XPR1: variants seen among roughly 807,000 people sequenced by gnomAD.
XPR1 encodes solute carrier family 53 member 1.
Under a neutral mutation model 87.5 loss-of-function variants are expected in XPR1, and 28 were observed. The ratio of observed to expected loss-of-function variants is 0.32; its 90% CI spans 0.24 to 0.44. The LOEUF (loss-of-function observed/expected upper bound fraction) is 0.44. Ranked by LOEUF, XPR1 falls within the 20% of genes least tolerant of loss-of-function variation. The pLI, the probability that XPR1 is intolerant of heterozygous loss-of-function variation, is 1.00. For synonymous variants in XPR1, 300 were observed against 306.1 expected (o/e 0.98, Z 0.21); for missense variants, 559 against 862.3 (o/e 0.65, Z 4.41).
intron 1 of XPR1, among the ~76,000 whole-genome samples, chr1:180,632,531 G>A (rs557959960): frequency 6.6e-6 from 1 of 152,160 alleles, no homozygotes; most frequent in African/African-American, 2.4e-5. Context: ...TGCCCGGGCC[G>A]GGGCCGGGGC....
At chr1:180,811,020 A>G (rs138077462) in intron 6 of XPR1, among the ~76,000 whole-genome samples, 2 of 152,250 alleles carry the variant, frequency 1.3e-5, no homozygotes, top group Middle Eastern at 3.4e-3. Context: ...TAAATGCTGT[A>G]TAAATAGTTG....
intron 2 of XPR1, among the ~76,000 whole-genome samples, chr1:180,685,304 G>A (rs1286550274): frequency 3.9e-5 from 6 of 152,296 alleles, no homozygotes; most frequent in South Asian, 4.1e-4. Context: ...ATTTGCGTAT[G>A]TTGAACCAGC....
chr1:180,835,084 G>A, intron 10 of XPR1, 39 bp downstream of exon 10: 2 of 1,592,058 alleles, frequency 1.3e-6, no homozygotes, highest in Non-Finnish European at 1.7e-6. Flanking sequence ...TAAATCGCTG[G>A]TGTAAACCAA....
At chr1:180,824,685 A>G in intron 7 of XPR1, 68 bp from the exon 8 acceptor site, 3 of 1,367,488 alleles carry the variant, frequency 2.2e-6, no homozygotes, top group East Asian at 2.3e-5. Context: ...GAGAATGAAG[A>G]CAAAAGATTA....
intron 1 of XPR1, among the ~76,000 whole-genome samples, chr1:180,678,165 C>T (rs1051763180): frequency 7.9e-5 from 12 of 152,184 alleles, no homozygotes; most frequent in Admixed American, 4.6e-4. Flanking sequence ...ATGTGTTCAC[C>T]AACTTGGAAG....
intron 2 of XPR1, among the ~76,000 whole-genome samples, chr1:180,770,053 T>C (rs964097380): frequency 7.2e-5 from 11 of 152,236 alleles, no homozygotes; most frequent in African/African-American, 2.7e-4. Flanking sequence ...TAAATACTGG[T>C]TAATTTTGAT....
chr1:180,885,895 A>G lies in XPR1; in HGVS notation c.*1829A>G, dbSNP rs921283655. 4 of 152,208 alleles carry G rather than the reference A, an allele frequency of 2.6e-5. No homozygotes were observed. The highest frequency in any genetic ancestry group is 2.1e-4 in the South Asian group (1 of 4,828). The allele number at this position is 152,208 out of a possible 1,614,324, so 9.4% of individuals were successfully genotyped here. A position where few individuals can be genotyped will look rare whatever the true frequency, so the allele number is the denominator to read the frequency against. On this transcript the variant is annotated 3_prime_UTR_variant, in exon 15 of 15. Transcript: ENST00000367590. ...GAAAATTTTTATCAATTAACTGACA[A>G]ATAGTTTCTTTTTAAAGTAGTTTCT...
intron 1 of XPR1, among the ~76,000 whole-genome samples, chr1:180,646,225 C>T (rs564750283): frequency 2.6e-5 from 4 of 152,284 alleles, no homozygotes; most frequent in South Asian, 2.1e-4. Context: ...GCAGCCTCTC[C>T]GTAAAGGTCA....
intron 2 of XPR1, among the ~76,000 whole-genome samples, chr1:180,684,306 G>A (rs1189787957): frequency 1.3e-5 from 2 of 152,156 alleles, no homozygotes; most frequent in South Asian, 2.1e-4. Context: ...TGAGGGCTCT[G>A]TGCTGTTCCA....
At chr1:180,635,541 A>AT (rs1654732952) in intron 1 of XPR1, among the ~76,000 whole-genome samples, 2 of 152,040 alleles carry the variant, frequency 1.3e-5, no homozygotes, top group African/African-American at 2.4e-5. Context: ...CCCAGGAATG[A>AT]TTTTTTTCAG....
intron 1 of XPR1, among the ~76,000 whole-genome samples, chr1:180,663,955 A>G (rs533740450): frequency 3.3e-5 from 5 of 152,120 alleles, no homozygotes; most frequent in Non-Finnish European, 7.4e-5. Context: ...GGTACCACCA[A>G]TGTGCACTTA....
rs1335637201 is a variant in XPR1, at chr1:180,803,506, C to G, written c.342C>G (p.Val114=). ...VTTLRQRRKP[V]FHLSHEERVQ... ...CGCTGCGACAACGCAGAAAGCCAGT[C>G]TTCCACTTGTCCCATGAGGAACGTG... The change falls in exon 4 of 15, where the codon GTC becomes GTG. Residue 114 remains valine, a synonymous_variant. Transcript: ENST00000367590. The G allele has an allele frequency of 2.5e-6, 4 of 1,613,924 alleles. No individual in the cohort carries two copies. Among genetic ancestry groups the G allele is most frequent in the African/African-American group, 1.3e-5 (1 of 75,036 alleles).
At chr1:180,834,733 C>G (rs911551167) in intron 9 of XPR1, 141 bp from the exon 10 acceptor site, 19 of 899,960 alleles carry the variant, frequency 2.1e-5, no homozygotes, top group Non-Finnish European at 2.9e-5. Context: ...GCCACTGTTG[C>G]CAGGTCTCTG....
At chr1:180,813,997 A>G (rs560805171) in intron 7 of XPR1, among the ~76,000 whole-genome samples, 94 of 152,316 alleles carry the variant, frequency 6.2e-4, no homozygotes, top group African/African-American at 2.1e-3. Context: ...TGTCACTGTC[A>G]TACTTAACTA....
intron 2 of XPR1, among the ~76,000 whole-genome samples, chr1:180,760,836 G>A (rs1350692561): frequency 2.6e-5 from 4 of 152,206 alleles, no homozygotes; most frequent in East Asian, 1.9e-4. Context: ...GAAGAAAACC[G>A]GAGGCATCAT....
intron 2 of XPR1, among the ~76,000 whole-genome samples, chr1:180,730,529 C>G (rs1366582733): frequency 1.3e-5 from 2 of 152,150 alleles, no homozygotes; most frequent in African/African-American, 2.4e-5. Context: ...TAATTTTCCC[C>G]CTATATTCCA....
intron 11 of XPR1, among the ~76,000 whole-genome samples, chr1:180,862,008 G>A (rs750245377): frequency 2.0e-5 from 3 of 151,970 alleles, no homozygotes; most frequent in Non-Finnish European, 4.4e-5. Context: ...AATGAATTTT[G>A]AGTATGTGTT....
intron 7 of XPR1, among the ~76,000 whole-genome samples, chr1:180,815,213 A>C (rs912460725): frequency 1.3e-5 from 2 of 152,054 alleles, no homozygotes; most frequent in African/African-American, 4.8e-5. Context: ...ACATTTTTCC[A>C]TTCTTTTTAT....
chr1:180,799,286 T>A (rs1649697453), intron 3 of XPR1, among the ~76,000 whole-genome samples: 1 of 152,214 alleles, frequency 6.6e-6, no homozygotes, highest in East Asian at 1.9e-4. Context: ...GAACCACTCC[T>A]ACTTCTACCC....
Sources: allele counts gnomAD v4.1 joint callset (sites outside exome capture counted in the v4.1 genomes callset), GRCh38; gene constraint gnomAD v4.1.1; transcripts MANE v1.5; gene names NCBI Gene and HGNC (gene_info 2026-07-23, HGNC 2026-07-21).